SNTG1: variants seen among roughly 807,000 people sequenced by gnomAD.
The protein encoded by SNTG1 is gamma-1-syntrophin.
SNTG1 carries 39 observed loss-of-function variants against 74.7 expected under a neutral mutation model. The ratio of observed to expected loss-of-function variants is 0.52; its 90% confidence interval spans 0.40 to 0.68. SNTG1 has a LOEUF of 0.68. Among genes scored for constraint, SNTG1 ranks in the 30% least tolerant of loss-of-function variants. The pLI is 0.00. For synonymous variants in SNTG1, 254 were observed against 217.1 expected (o/e 1.17, Z -1.49); for missense variants, 685 against 609.5 (o/e 1.12, Z -1.30).
intron 5 of SNTG1, among the ~76,000 whole-genome samples, chr8:50,438,902 C>A (rs1227227902): frequency 6.6e-6 from 1 of 151,994 alleles, no homozygotes; most frequent in Non-Finnish European, 1.5e-5. Flanking sequence ...TTTCTTTAAC[C>A]AACTGGAGTA....
chr8:50,378,947 C>A (rs1473941409), intron 2 of SNTG1, among the ~76,000 whole-genome samples: 1 of 152,092 alleles, frequency 6.6e-6, no homozygotes, highest in African/African-American at 2.4e-5. Flanking sequence ...GACAGCCTGT[C>A]CCCCAGCCTT....
intron 2 of SNTG1, among the ~76,000 whole-genome samples, chr8:50,318,843 C>T (rs1022785770): frequency 1.6e-4 from 25 of 152,046 alleles, no homozygotes; most frequent in African/African-American, 6.0e-4. Context: ...TTTAATATAC[C>T]TCTCTTTTTG....
At chr8:50,129,296 T>A (rs2081242673) in intron 1 of SNTG1, among the ~76,000 whole-genome samples, 2 of 151,032 alleles carry the variant, frequency 1.3e-5, no homozygotes, top group African/African-American at 2.4e-5. Flanking sequence ...GAGAAAAGAG[T>A]GGTTGAGGGT....
chr8:50,765,806 C>T (rs1010467617), intron 18 of SNTG1, among the ~76,000 whole-genome samples: 1 of 151,814 alleles, frequency 6.6e-6, no homozygotes, highest in Non-Finnish European at 1.5e-5. Flanking sequence ...GGAGAGAGAA[C>T]TTTTAACATG....
At chr8:50,489,585 G>T (rs140318977) in intron 8 of SNTG1, among the ~76,000 whole-genome samples, 3 of 152,120 alleles carry the variant, frequency 2.0e-5, no homozygotes, top group Admixed American at 6.5e-5. Flanking sequence ...TTTGAGAAGT[G>T]TCTGTTCATA....
rs556853069 is a variant in SNTG1, at chr8:50,162,510, C to T, written c.-102-10051C>T. On this transcript the variant is annotated intron_variant, in intron 1 of 18. Transcript: ENST00000642720. ...CCGGGAGGTGGAGCTTGCAGTGAGC[C>T]GAGTTCACGCCACTGCACTCCAGCC... Among the ~76,000 whole-genome samples, 354 of 147,202 alleles carry T rather than the reference C, an allele frequency of 2.4e-3. 1 individual carries two copies. The highest frequency in any genetic ancestry group is 8.6e-3 in the African/African-American group (340 of 39,742).
At position 50,120,379 on chromosome 8, in the gene SNTG1, A is replaced by G. The variant is rs1453466211; in HGVS notation, c.-102-52182A>G. Among the ~76,000 whole-genome samples the G allele has an allele frequency of 1.4e-5, 2 of 139,876 alleles. 1 individual carries two copies. The highest frequency in any genetic ancestry group is 3.2e-5 in the Non-Finnish European group (2 of 63,158). The allele number at this position is 139,876 out of a possible 152,430, so 91.8% of individuals were successfully genotyped here. A position where few individuals can be genotyped will look rare whatever the true frequency, so the allele number is the denominator to read the frequency against. ...CACTAATACTACCAATATTACTACCATCACCACCACCACCACTACCATAAC... is the reference window on the plus strand; with the variant it reads ...CACTAATACTACCAATATTACTACCGTCACCACCACCACCACTACCATAAC... On this transcript the variant is annotated intron_variant, in intron 1 of 18. Coordinates refer to ENST00000642720, the MANE Select transcript of SNTG1 (RefSeq NM_018967.5).
At chr8:50,195,841 G>A (rs890960646) in intron 2 of SNTG1, among the ~76,000 whole-genome samples, 2 of 152,088 alleles carry the variant, frequency 1.3e-5, no homozygotes, top group Non-Finnish European at 2.9e-5. Context: ...GTCCTCTCAG[G>A]GCTGTTGGTT....
chr8:50,387,854 GT>G (rs1477970434), intron 2 of SNTG1, among the ~76,000 whole-genome samples: 2 of 152,084 alleles, frequency 1.3e-5, no homozygotes, highest in African/African-American at 4.8e-5. Flanking sequence ...AATCAGCATT[GT>G]TTTTAGGACA....
rs961194693 is a variant in SNTG1 at position 50,028,558 on chromosome 8, G to A, written c.-103+116327G>A. ...AATGTATTTTCAGACTGAATGCACC[G>A]TTTTACTCCTCTACCAACAACGTTT... On this transcript the variant is annotated intron_variant, in intron 1 of 18. Coordinates refer to ENST00000642720, the MANE Select transcript of SNTG1 (RefSeq NM_018967.5). Among the ~76,000 whole-genome samples the A allele has an allele frequency of 1.3e-4, 19 of 144,424 alleles. 1 individual carries two copies. The highest frequency in any genetic ancestry group is 2.4e-4 in the South Asian group (1 of 4,182). 94.7% of individuals were successfully genotyped at this position (144,424 alleles called of 152,430 possible).
intron 1 of SNTG1, among the ~76,000 whole-genome samples, chr8:50,059,181 CT>C (rs1820274240): frequency 2.0e-5 from 3 of 152,016 alleles, no homozygotes; most frequent in South Asian, 2.1e-4. Context: ...TACTTTTTGG[CT>C]TTTATGAATA....
intron 2 of SNTG1, among the ~76,000 whole-genome samples, chr8:50,258,947 A>G (rs1008538840): frequency 6.6e-6 from 1 of 152,164 alleles, no homozygotes; most frequent in African/African-American, 2.4e-5. Flanking sequence ...CACACCAAAA[A>G]GTTCAACAAG....
chr8:50,775,160 C>A (rs566502735), intron 18 of SNTG1, among the ~76,000 whole-genome samples: 8 of 151,350 alleles, frequency 5.3e-5, no homozygotes, highest in African/African-American at 1.4e-4. Context: ...TTAAATATTT[C>A]GACCAAAGGC....
chr8:50,095,101 C>T (rs1455428823), intron 1 of SNTG1, among the ~76,000 whole-genome samples: 2 of 152,114 alleles, frequency 1.3e-5, no homozygotes, highest in Admixed American at 6.6e-5. Context: ...GACAGTTAAA[C>T]GTTGAATACA....
At chr8:50,451,687 C>T (rs2131629362) in intron 8 of SNTG1, among the ~76,000 whole-genome samples, 1 of 152,082 alleles carries the variant, frequency 6.6e-6, no homozygotes, top group Admixed American at 6.6e-5. Context: ...TAGCAACCGG[C>T]CTAAGTGTTT....
intron 3 of SNTG1, among the ~76,000 whole-genome samples, chr8:50,398,159 T>C (rs977451629): frequency 1.3e-5 from 2 of 152,200 alleles, no homozygotes; most frequent in African/African-American, 4.8e-5. Context: ...CAACAATAAG[T>C]GTATTTTAAC....
chr8:50,791,407 T>A (rs549802149), intron 18 of SNTG1, among the ~76,000 whole-genome samples: 73 of 151,968 alleles, frequency 4.8e-4, no homozygotes, highest in Non-Finnish European at 8.7e-4. Context: ...TATTGAAGGT[T>A]TCAAGGGAGC....
At chr8:50,207,319 A>T (rs2084294356) in intron 2 of SNTG1, among the ~76,000 whole-genome samples, 1 of 152,110 alleles carries the variant, frequency 6.6e-6, no homozygotes, top group Admixed American at 6.6e-5. Flanking sequence ...CCAGGAATTT[A>T]TCCATTTCTT....
intron 13 of SNTG1, among the ~76,000 whole-genome samples, chr8:50,644,993 C>T (rs1030557728): frequency 1.3e-5 from 2 of 150,864 alleles, no homozygotes; most frequent in African/African-American, 2.4e-5. Context: ...TAGGCTCAAG[C>T]GATCTGCCCA....
Sources: gnomAD v4.1 joint callset for allele counts (sites outside exome capture counted in the v4.1 genomes callset) on GRCh38, gnomAD v4.1.1 for gene constraint, MANE v1.5 for transcripts, NCBI Gene and HGNC (gene_info 2026-07-23, HGNC 2026-07-21) for gene names.